Variants in RPAP2 observed in about 807,000 individuals in gnomAD.
RPAP2 encodes the protein putative RNA polymerase II subunit B1 CTD phosphatase RPAP2.
A neutral mutation model predicts 73.1 loss-of-function variants in RPAP2; 52 were observed. The ratio of observed to expected loss-of-function variants is 0.71; its 90% CI spans 0.57 to 0.90. The LOEUF is 0.90. Among genes scored for constraint, RPAP2 ranks in the 40% least tolerant of loss-of-function variants. The probability of loss-of-function intolerance (pLI) is 0.00; values close to 1 mark genes in which losing one functional copy is unlikely to be tolerated. For synonymous variants in RPAP2, 225 were observed against 242.1 expected (o/e 0.93, Z 0.65); for missense variants, 598 against 701.8 (o/e 0.85, Z 1.67).
At chr1:92,377,243 G>C (rs904266013) in intron 11 of RPAP2, among the ~76,000 whole-genome samples, 1 of 151,974 alleles carries the variant, frequency 6.6e-6, no homozygotes. Flanking sequence ...TGTGTAGGCC[G>C]GGCGCGGTGG....
At chr1:92,304,952 C>T (rs1020566315) in intron 5 of RPAP2, among the ~76,000 whole-genome samples, 5 of 151,746 alleles carry the variant, frequency 3.3e-5, no homozygotes, top group Middle Eastern at 3.4e-3. Flanking sequence ...GCCTGGGCAA[C>T]GGCAAAACCC....
intron 11 of RPAP2, among the ~76,000 whole-genome samples, chr1:92,353,566 ATGTC>A (rs1021199838): frequency 6.6e-6 from 1 of 152,148 alleles, no homozygotes; most frequent in African/African-American, 2.4e-5. Flanking sequence ...AACCATATAA[ATGTC>A]TGAACAGTAG....
At chr1:92,363,861 A>G (rs1033284765) in intron 11 of RPAP2, 37 of 182,760 alleles carry the variant, frequency 2.0e-4, no homozygotes, top group African/African-American at 8.5e-4. Context: ...ATCCTTACAT[A>G]TGCATTATGT....
intron 8 of RPAP2, among the ~76,000 whole-genome samples, chr1:92,331,819 A>G (rs1224148419): frequency 6.6e-6 from 1 of 152,134 alleles, no homozygotes; most frequent in East Asian, 1.9e-4. Flanking sequence ...TTCTCTTAGT[A>G]TCAGTTGATA....
intron 11 of RPAP2, among the ~76,000 whole-genome samples, chr1:92,380,481 G>A (rs1238744712): frequency 6.6e-6 from 1 of 152,122 alleles, no homozygotes; most frequent in Non-Finnish European, 1.5e-5. Context: ...TTGCTGGCAT[G>A]AAGAAGAACA....
chr1:92,329,763 G>A (rs568291298), intron 8 of RPAP2, among the ~76,000 whole-genome samples: 2 of 152,180 alleles, frequency 1.3e-5, no homozygotes, highest in South Asian at 4.1e-4. Flanking sequence ...AGCTATAATA[G>A]CCTTTTTATA....
chr1:92,335,147 T>C (rs1367319784), intron 9 of RPAP2, among the ~76,000 whole-genome samples: 4 of 151,880 alleles, frequency 2.6e-5, no homozygotes, highest in Non-Finnish European at 5.9e-5. Context: ...TAATTTACAT[T>C]CCCACCAACA....
chr1:92,337,459 G>T (rs1362004803), intron 10 of RPAP2, among the ~76,000 whole-genome samples: 3 of 152,062 alleles, frequency 2.0e-5, no homozygotes, highest in Non-Finnish European at 4.4e-5. Context: ...TTTGTATCTA[G>T]AATTCATAGT....
Position 92,381,128 on chromosome 1 carries a change from C to T in RPAP2, c.1838+255C>T, listed in dbSNP as rs1314864158. Among the ~76,000 whole-genome samples, 6 of 152,026 alleles carry T rather than the reference C, an allele frequency of 3.9e-5. No individual in the cohort carries two copies. The East Asian group carries it at 5.8e-4, about 15-fold the overall frequency. On this transcript the variant is annotated intron_variant, in intron 12 of 12. Coordinates refer to ENST00000610020, the MANE Select transcript of RPAP2 (RefSeq NM_024813.3). ...CTGTTTTTTGCAGTCCAGGAAGCTC[C>T]GCATTATCAGTTTCATACTCAAGTG...
At position 92,389,509 on chromosome 1, in the gene RPAP2, G is replaced by A. The variant is rs1332626257; in HGVS notation, c.*2498G>A. The A allele has an allele frequency of 6.6e-6, 1 of 152,174 alleles. No individual in the cohort carries two copies. The highest frequency in any genetic ancestry group is 2.4e-5 in the African/African-American group (1 of 41,436). 9.4% of individuals were successfully genotyped at this position (152,174 alleles called of 1,614,324 possible). ...CTCCTCCAAAGGAACACAACTCCTTGCCAGCAAGGGAACAAAACTGGACAG... is the reference window on the plus strand; with the variant it reads ...CTCCTCCAAAGGAACACAACTCCTTACCAGCAAGGGAACAAAACTGGACAG... On this transcript the variant is annotated 3_prime_UTR_variant, in exon 13 of 13. Coordinates refer to ENST00000610020, the MANE Select transcript of RPAP2 (RefSeq NM_024813.3).
chr1:92,305,042 C>T (rs571141716), intron 5 of RPAP2, among the ~76,000 whole-genome samples: 1 of 151,872 alleles, frequency 6.6e-6, no homozygotes, highest in East Asian at 1.9e-4. Flanking sequence ...AGCTGAGGCA[C>T]ATGCATCGCA....
chr1:92,341,925 G>A (rs1270209795), intron 10 of RPAP2, among the ~76,000 whole-genome samples: 1 of 152,198 alleles, frequency 6.6e-6, no homozygotes, highest in Non-Finnish European at 1.5e-5. Context: ...TTACAGGCGT[G>A]AGCCAACACA....
At chr1:92,343,897 T>C (rs1314935967) in intron 10 of RPAP2, among the ~76,000 whole-genome samples, 1 of 152,154 alleles carries the variant, frequency 6.6e-6, no homozygotes, top group Non-Finnish European at 1.5e-5. Context: ...TAAGGAAACT[T>C]ACCTGGCAGA....
intron 11 of RPAP2, among the ~76,000 whole-genome samples, chr1:92,371,491 A>T (rs544265199): frequency 2.6e-5 from 4 of 151,936 alleles, no homozygotes; most frequent in Non-Finnish European, 5.9e-5. Flanking sequence ...TTTTCATTGC[A>T]GCATTGTTCA....
intron 8 of RPAP2, among the ~76,000 whole-genome samples, chr1:92,330,892 G>A (rs1301734968): frequency 6.6e-6 from 1 of 152,154 alleles, no homozygotes; most frequent in African/African-American, 2.4e-5. Flanking sequence ...TGTTAGAAAT[G>A]CAGACTCTTA....
rs1475378745 is a variant in RPAP2, at chr1:92,302,466, ATTTT to A, written c.234+877_234+880del. On this transcript the variant is annotated intron_variant, in intron 3 of 12. Transcript: ENST00000610020. Reference sequence around the variant, plus strand: ...AGTTTTCTATATTCTGTGTTGTGTTATTTTAAGTAACAGAAGAATATTATTTTTG... The same window carrying A: ...AGTTTTCTATATTCTGTGTTGTGTTAAAGTAACAGAAGAATATTATTTTTG... Among the ~76,000 whole-genome samples, 5 of 151,534 alleles carry A rather than the reference ATTTT, an allele frequency of 3.3e-5. No individual in the cohort carries two copies. In the East Asian group the frequency reaches 9.7e-4, roughly 29 times the overall value.
chr1:92,311,748 T>G (rs189415601), intron 6 of RPAP2, among the ~76,000 whole-genome samples: 1 of 152,338 alleles, frequency 6.6e-6, no homozygotes, highest in East Asian at 1.9e-4. Flanking sequence ...AATCATGGAT[T>G]TTGTTTCCCA....
chr1:92,332,941 T>C (rs1487762593), intron 8 of RPAP2, among the ~76,000 whole-genome samples: 1 of 152,108 alleles, frequency 6.6e-6, no homozygotes, highest in Non-Finnish European at 1.5e-5. Context: ...TCCCCCAACT[T>C]TTTTCAGTTC....
At chr1:92,357,092 CAT>C (rs1388658294) in intron 11 of RPAP2, among the ~76,000 whole-genome samples, 1 of 94,778 alleles carries the variant, frequency 1.1e-5, no homozygotes, top group Non-Finnish European at 1.9e-5. Context: ...AAAAGGATTA[CAT>C]ACACACACAC....
Sources: allele counts gnomAD v4.1 joint callset (sites outside exome capture counted in the v4.1 genomes callset), GRCh38; gene constraint gnomAD v4.1.1; transcripts MANE v1.5; gene names NCBI Gene and HGNC (gene_info 2026-07-23, HGNC 2026-07-21).